Variants in F8 observed in about 807,000 individuals in gnomAD.
F8 encodes the protein antihemophilic factor.
In F8, 12 loss-of-function variants were observed where a neutral mutation model predicts 140.6. The ratio of observed to expected loss-of-function variants is 0.09; its 90% confidence interval spans 0.05 to 0.14. The LOEUF (loss-of-function observed/expected upper bound fraction) is 0.14. F8 is among the 10% of genes least tolerant of loss of function. F8 has a pLI of 1.00. For missense variants in F8, 1,354 were observed against 1,720.7 expected, an observed-to-expected ratio of 0.79 and a Z score of 3.77; for synonymous variants, 585 against 614.6, an observed-to-expected ratio of 0.95 and a Z score of 0.71.
At chrX:154,906,893 C>G (rs1378541131) in intron 14 of F8, among the ~76,000 whole-genome samples, 1 of 112,323 alleles carries the variant, frequency 8.9e-6, no homozygotes, top group Non-Finnish European at 1.9e-5. Context: ...CATGGTCAAG[C>G]CCTTGGATCT....
At chrX:154,888,455 C>G (rs1198272190) in intron 22 of F8, among the ~76,000 whole-genome samples, 6 of 69,442 alleles carry the variant, frequency 8.6e-5, no homozygotes, top group Non-Finnish European at 1.2e-4. Context: ...AGCGCAGTGG[C>G]GTGATCTCGG....
chrX:154,904,076 T>C lies in F8; in HGVS notation c.5828A>G (p.Tyr1943Cys). 8.3e-7 allele frequency: 1 copy of C among 1,211,598 alleles called. No individual in the cohort carries two copies. The highest frequency in any genetic ancestry group is 1.1e-6 in the Non-Finnish European group (1 of 895,211). The change falls in exon 18 of 26, where the codon TAC becomes TGC. Residue 1943 changes from tyrosine to cysteine, a missense_variant. Around this residue, in one of 4 missense-constraint regions of F8, gnomAD observed 316 missense variants for 485.4 expected, o/e 0.65. Coordinates refer to ENST00000360256, the MANE Select transcript of F8 (RefSeq NM_000132.4). ...ENYRFHAING[Y>C]IMDTLPGLVM... ...TAAGCCAGGTAGTGTATCCATTATGTAGCCATTGATTGCTGGAGAAGGACA... is the reference window on the plus strand; with the variant it reads ...TAAGCCAGGTAGTGTATCCATTATGCAGCCATTGATTGCTGGAGAAGGACA...
intron 25 of F8, among the ~76,000 whole-genome samples, chrX:154,857,726 T>A (rs1557272540): frequency 8.9e-6 from 1 of 112,263 alleles, no homozygotes; most frequent in East Asian, 2.8e-4. Flanking sequence ...GACAAAGAAA[T>A]TTGGGGAAGA....
At chrX:154,867,198 C>G (rs28890527) in intron 22 of F8, among the ~76,000 whole-genome samples, 2 of 111,807 alleles carry the variant, frequency 1.8e-5, no homozygotes, top group African/African-American at 6.5e-5. Flanking sequence ...ATCTAGTAAT[C>G]AAAAACCTTC....
rs782760342 is a variant in F8 at position 154,947,804 on chromosome X, A to G, written c.2007T>C (p.Ser669=). The G allele has an allele frequency of 5.8e-6, 7 of 1,209,109 alleles. No individual in the cohort carries two copies. Among genetic ancestry groups the G allele is most frequent in the Non-Finnish European group, 7.8e-6 (7 of 892,873 alleles). Residue 669 remains serine, a synonymous_variant, in exon 13 of 26, where the codon TCT becomes TCC. Coordinates refer to ENST00000360256, the MANE Select transcript of F8 (RefSeq NM_000132.4). ...LSIGAQTDFL[S]VFFSGYTFKH... ...TGAAGGTATATCCAGAGAAGAAGAC[A>G]GAAAGGAAGTCAGTCTGTGCTCCAA... is the stretch of plus-strand genomic sequence containing the variant.
chrX:154,837,437 C>A lies in F8; in HGVS notation c.*160G>T, dbSNP rs1467918021. The A allele has an allele frequency of 1.0e-5, 6 of 579,204 alleles. No homozygotes were observed. Among genetic ancestry groups the A allele is most frequent in the Non-Finnish European group, 1.4e-5 (5 of 367,806 alleles). The allele number at this position is 579,204 out of a possible 1,213,427, so 47.7% of individuals were successfully genotyped here. On this transcript the variant is annotated 3_prime_UTR_variant, in exon 26 of 26. Coordinates refer to ENST00000360256, the MANE Select transcript of F8 (RefSeq NM_000132.4). The stretch of plus-strand genomic sequence containing the variant: ...AATTGGATGCACCCTCCTGGCCCCC[C>A]ACCAAAGAAATGCAGGACTGATGAT...
Position 154,897,243 on chromosome X carries a change from T to A in F8, c.6274-1011A>T, listed in dbSNP as rs180950961. ...TACTGTCCTAATAAGCAAGTCAAAT[T>A]TAGCACGTTTTCACACATGCCTGAC... On this transcript the variant is annotated intron_variant, in intron 21 of 25. Coordinates refer to ENST00000360256, the MANE Select transcript of F8 (RefSeq NM_000132.4). 9.4e-4 allele frequency among the ~76,000 whole-genome samples: 106 copies of A among 112,486 alleles called. 2 individuals carry two copies. The highest frequency in any genetic ancestry group is 3.4e-3 in the African/African-American group (105 of 30,977).
intron 25 of F8, among the ~76,000 whole-genome samples, chrX:154,846,947 C>T (rs1306853742): frequency 6.3e-5 from 7 of 111,965 alleles, no homozygotes; most frequent in African/African-American, 2.3e-4. Flanking sequence ...ATGTTTAGTG[C>T]TTCCTTCAGG....
Position 154,930,985 on chromosome X carries a change from T to A in F8, c.2805A>T (p.Gln935His), listed in dbSNP as rs1557278761. Reference sequence around the variant, plus strand: ...TTTTGCCAAATAGAGTGGTATCTAATTGACTATCATAATGAACTGGCATAC... The same window carrying A: ...TTTTGCCAAATAGAGTGGTATCTAAATGACTATCATAATGAACTGGCATAC... Reference protein sequence around the residue: ...PPSMPVHYDSQLDTTLFGKKS... With the variant: ...PPSMPVHYDSHLDTTLFGKKS... The change falls in exon 14 of 26, where the codon CAA becomes CAT. Residue 935 changes from glutamine to histidine, a missense_variant. Gln to His is a conservative substitution (Grantham distance 24). Transcript: ENST00000360256. The A allele has an allele frequency of 7.5e-6, 9 of 1,195,005 alleles. No individual in the cohort carries two copies. The East Asian group carries it at 2.7e-4, about 35-fold the overall frequency.
intron 25 of F8, among the ~76,000 whole-genome samples, chrX:154,839,523 C>T (rs1305129608): frequency 8.2e-5 from 9 of 109,682 alleles, no homozygotes; most frequent in South Asian, 4.0e-4. Flanking sequence ...CCACCATGCC[C>T]GGCTCATTTT....
chrX:154,939,302 G>A (rs1250156573), intron 13 of F8, among the ~76,000 whole-genome samples: 2 of 111,958 alleles, frequency 1.8e-5, no homozygotes, highest in Non-Finnish European at 3.8e-5. Flanking sequence ...CTGGAAAATC[G>A]GGTCACTCCC....
At chrX:155,020,511 T>C (rs1246269488) in intron 1 of F8, among the ~76,000 whole-genome samples, 2 of 111,952 alleles carry the variant, frequency 1.8e-5, no homozygotes, top group Admixed American at 9.4e-5. Flanking sequence ...AGAAAAGATA[T>C]CTCTGATTAT....
chrX:154,930,687 C>T lies in F8; in HGVS notation c.3103G>A (p.Asp1035Asn). The T allele has an allele frequency of 8.3e-7, 1 of 1,208,443 alleles. No individual in the cohort carries two copies. The highest frequency in any genetic ancestry group is 1.1e-6 in the Non-Finnish European group (1 of 893,746). The change falls in exon 14 of 26, where the codon GAT becomes AAT. Residue 1035 changes from aspartate (D) to asparagine (N), a missense_variant. This residue lies in a region of F8 where 658 missense variants were observed against 666.5 expected (regional missense o/e 0.99). Transcript: ENST00000360256. ...TTCTCAATTAATAATGATGGGCCAT[C>T]AATGTGAGTCTTTCTATTAGTTGCT... Reference protein sequence around the residue: ...NSATNRKTHIDGPSLLIENSP... With the variant: ...NSATNRKTHINGPSLLIENSP...
At chrX:154,853,095 G>C (rs1383342097) in intron 25 of F8, among the ~76,000 whole-genome samples, 7 of 111,142 alleles carry the variant, frequency 6.3e-5, no homozygotes, top group South Asian at 7.4e-4. Flanking sequence ...AGACCAGACA[G>C]TTCTTTAGTT....
At chrX:154,905,088 G>A in intron 15 of F8, 65 bp from the exon 16 acceptor site, 1 of 889,037 alleles carries the variant, frequency 1.1e-6, no homozygotes, top group South Asian at 2.1e-5. Context: ...AAGGTCCTTA[G>A]GGTTTACATC....
intron 22 of F8, among the ~76,000 whole-genome samples, chrX:154,879,956 C>T (rs968578334): frequency 8.9e-6 from 1 of 111,830 alleles, no homozygotes; most frequent in Non-Finnish European, 1.9e-5. Flanking sequence ...CCTGTTAAGC[C>T]TGCAGAACTG....
intron 11 of F8, among the ~76,000 whole-genome samples, chrX:154,956,751 G>C (rs1162374745): frequency 8.9e-6 from 1 of 111,735 alleles, no homozygotes; most frequent in Non-Finnish European, 1.9e-5. Flanking sequence ...TCCCAGACTG[G>C]GAATGAGTAC....
In F8 at chrX:154,929,643, C is replaced by T. The variant is rs782772256; in HGVS notation, c.4147G>A (p.Ala1383Thr). The change falls in exon 14 of 26, where the codon GCC (alanine) becomes ACC (threonine). Residue 1383 changes from alanine (A) to threonine (T), a missense_variant. Physicochemically the swap from Ala to Thr is moderately conservative, Grantham distance 58. Around this residue, in one of 4 missense-constraint regions of F8, gnomAD observed 658 missense variants for 666.5 expected, o/e 0.99. Coordinates refer to ENST00000360256, the MANE Select transcript of F8 (RefSeq NM_000132.4). The part of the protein sequence containing the change: ...QIDYNEKEKG[A>T]ITQSPLSDCL... ...TCTGATAAGGGAGACTGAGTAATGG[C>T]CCCTTTCTCCTTCTCATTGTAGTCT... The T allele has an allele frequency of 5.0e-6, 6 of 1,209,503 alleles. No individual in the cohort carries two copies. The highest frequency in any genetic ancestry group is 5.6e-6 in the Non-Finnish European group (5 of 894,109).
chrX:155,007,170 T>G (rs1603437110), intron 1 of F8, among the ~76,000 whole-genome samples: 1 of 112,353 alleles, frequency 8.9e-6, no homozygotes. Context: ...GGCATATTAG[T>G]GAGTGGACAC....
Sources: allele counts gnomAD v4.1 joint callset (sites outside exome capture counted in the v4.1 genomes callset), GRCh38; gene constraint gnomAD v4.1.1; regional missense constraint gnomAD v4.1.1; transcripts MANE v1.5; gene names NCBI Gene and HGNC (gene_info 2026-07-23, HGNC 2026-07-21).